Variants in PCDHGA8 observed in about 807,000 individuals in gnomAD.
PCDHGA8 encodes protocadherin gamma-A8.
In PCDHGA8, 45 loss-of-function variants were observed where a neutral mutation model predicts 59.2. That is an observed-to-expected ratio of 0.76 (90% CI 0.60 to 0.98). The LOEUF is 0.98. Ranked by LOEUF, PCDHGA8 falls within the 50% of genes least tolerant of loss-of-function variation. The probability of loss-of-function intolerance (pLI) is 0.00; values close to 1 mark genes in which losing one functional copy is unlikely to be tolerated. For missense variants in PCDHGA8, 1,257 were observed against 1,196.2 expected (o/e 1.05, Z -0.75); for synonymous variants, 531 against 519.0 (o/e 1.02, Z -0.32).
intron 1 of PCDHGA8, chr5:141,413,070 T>C: frequency 8.4e-7 from 1 of 1,195,132 alleles, no homozygotes; most frequent in African/African-American, 1.5e-5. Context: ...GAATTTAAAG[T>C]GCCCAGGCTA....
chr5:141,463,532 T>C (rs1237301892), intron 1 of PCDHGA8, among the ~76,000 whole-genome samples: 2 of 133,692 alleles, frequency 1.5e-5, no homozygotes, highest in Non-Finnish European at 3.1e-5. Flanking sequence ...TACTAGAAAC[T>C]CCGGCTCCCG....
In PCDHGA8 at chr5:141,414,051, A is replaced by G. The variant is rs747091153; in HGVS notation, c.2424+18814A>G. ...CATTCCGAAAATTACCTGACACGCA[A>G]TTGTTGAAGTTCCAACTAAACAAAT... On this transcript the variant is annotated intron_variant, in intron 1 of 3. Coordinates refer to ENST00000398604, the MANE Select transcript of PCDHGA8 (RefSeq NM_032088.2). 5.0e-6 allele frequency: 8 copies of G among 1,610,748 alleles called. No individual in the cohort carries two copies. The Admixed American group carries it at 8.4e-5, about 17-fold the overall frequency.
rs201279747 is a variant in PCDHGA8, at chr5:141,414,931, G to A, written c.2424+19694G>A. On this transcript the variant is annotated intron_variant, in intron 1 of 3. Coordinates refer to ENST00000398604, the MANE Select transcript of PCDHGA8 (RefSeq NM_032088.2). ...AGGCGTGGAGCTGGCGCCCCGCTCC[G>A]CAGAGCCCGGCTACCTGGTGACCAA... 123 of 1,614,120 alleles carry A rather than the reference G, an allele frequency of 7.6e-5. No homozygotes were observed. In the East Asian group the frequency reaches 2.5e-3, roughly 33 times the overall value.
In PCDHGA8 at chr5:141,394,329, T is replaced by C. The variant is rs769172287; in HGVS notation, c.1516T>C (p.Ser506Pro). The C allele has an allele frequency of 3.7e-6, 6 of 1,613,980 alleles. No individual in the cohort carries two copies. The highest frequency in any genetic ancestry group is 5.1e-6 in the Non-Finnish European group (6 of 1,179,922). ...GGGGGCGCCCCTGTCCTCGTATATCTCCATCAACTCTGACACCGGTGTCCT... is the reference window on the plus strand; with the variant it reads ...GGGGGCGCCCCTGTCCTCGTATATCCCCATCAACTCTGACACCGGTGTCCT... ...LQGAPLSSYI[S>P]INSDTGVLYA... The change falls in exon 1 of 4, where the codon TCC (serine) becomes CCC (proline). Residue 506 changes from serine to proline, a missense_variant. Coordinates refer to ENST00000398604, the MANE Select transcript of PCDHGA8 (RefSeq NM_032088.2).
chr5:141,506,207 TTGGGAAGCTGAG>T (rs1487107822), intron 3 of PCDHGA8, among the ~76,000 whole-genome samples: 1 of 152,020 alleles, frequency 6.6e-6, no homozygotes, highest in Non-Finnish European at 1.5e-5. Flanking sequence ...TCCCAGCACT[TTGGGAAGCTGAG>T]GCAGGAGGAT....
At chr5:141,413,189 G>C in intron 1 of PCDHGA8, 7 of 1,606,972 alleles carry the variant, frequency 4.4e-6, no homozygotes, top group Non-Finnish European at 6.0e-6. Context: ...GCCGCTCAAA[G>C]GAATCGCTCA....
chr5:141,483,243 ATATATCATGAGGTTTTTTTGTT>A (rs555469799), intron 1 of PCDHGA8, among the ~76,000 whole-genome samples: 11 of 151,654 alleles, frequency 7.3e-5, no homozygotes, highest in African/African-American at 2.2e-4. Context: ...ACTGATATGC[ATATATCATGAGGTTTTTTTGTT>A]TTAGAAATAT....
In PCDHGA8 at chr5:141,477,247, T is replaced by C; in HGVS notation, c.2425-17560T>C. On this transcript the variant is annotated intron_variant, in intron 1 of 3. Transcript: ENST00000398604. This position sits in a 1 kb window ranked among gnomAD's most constrained non-coding sequence, Gnocchi z 4.9. ...CTGTCATCGCTTTGCTCAGTGTGAC[T>C]GACCTGGATGCTGGCGAGAACGGGC... The C allele has an allele frequency of 6.2e-7, 1 of 1,614,208 alleles. No individual in the cohort carries two copies. Among genetic ancestry groups the C allele is most frequent in the Non-Finnish European group, 8.5e-7 (1 of 1,180,040 alleles).
chr5:141,485,561 G>A lies in PCDHGA8; in HGVS notation c.2425-9246G>A. 1.9e-6 allele frequency: 3 copies of A among 1,613,008 alleles called. No homozygotes were observed. The highest frequency in any genetic ancestry group is 1.1e-5 in the South Asian group (1 of 91,026). ...AGAGATCGTAGATGTGAATGATCACGCCCCCCGTTTTCCGCGGCAGCAGCT... is the reference window on the plus strand; with the variant it reads ...AGAGATCGTAGATGTGAATGATCACACCCCCCGTTTTCCGCGGCAGCAGCT... On this transcript the variant is annotated intron_variant, in intron 1 of 3. Transcript: ENST00000398604. The surrounding 1 kb of genome is among the most constrained non-coding windows in gnomAD (Gnocchi z 5.7).
chr5:141,439,652 T>G (rs1047430832), intron 1 of PCDHGA8, among the ~76,000 whole-genome samples: 1 of 152,208 alleles, frequency 6.6e-6, no homozygotes, highest in African/African-American at 2.4e-5. Context: ...GTGGCTTTTC[T>G]AATTTCATGG....
Position 141,477,865 on chromosome 5 carries a change from T to A in PCDHGA8, c.2425-16942T>A, listed in dbSNP as rs1380570615. On this transcript the variant is annotated intron_variant, in intron 1 of 3. Transcript: ENST00000398604. This position sits in a 1 kb window ranked among gnomAD's most constrained non-coding sequence, Gnocchi z 4.9. ...GCTCGGTGGAGATGCTGCCTCGAGG[T>A]ACCTCAGCTGGCCACCTAGTGTCAC... 6.2e-7 allele frequency: 1 copy of A among 1,612,698 alleles called. No individual in the cohort carries two copies. Among genetic ancestry groups the A allele is most frequent in the Non-Finnish European group, 8.5e-7 (1 of 1,179,562 alleles).
At chr5:141,478,449 C>A in intron 1 of PCDHGA8, 1 of 1,613,540 alleles carries the variant, frequency 6.2e-7, no homozygotes. Context: ...AAACCTGGTG[C>A]AGCCAGTCCA....
At chr5:141,462,474 C>T (rs2099040477) in intron 1 of PCDHGA8, among the ~76,000 whole-genome samples, 1 of 151,994 alleles carries the variant, frequency 6.6e-6, no homozygotes, top group South Asian at 2.1e-4. Flanking sequence ...TATTCTGCTT[C>T]TCGTGGTTGT....
intron 1 of PCDHGA8, among the ~76,000 whole-genome samples, chr5:141,433,397 A>ATCTC (rs1179042498): frequency 6.6e-6 from 1 of 150,410 alleles, no homozygotes; most frequent in African/African-American, 2.5e-5. Flanking sequence ...CTATCTATCT[A>ATCTC]TCTATCTATT....
rs1399367534 is a variant in PCDHGA8 at position 141,487,098 on chromosome 5, A to G, written c.2425-7709A>G. 6.2e-7 allele frequency: 1 copy of G among 1,613,778 alleles called. No homozygotes were observed. The highest frequency in any genetic ancestry group is 8.5e-7 in the Non-Finnish European group (1 of 1,179,788). On this transcript the variant is annotated intron_variant, in intron 1 of 3. Transcript: ENST00000398604. The surrounding 1 kb of genome is among the most constrained non-coding windows in gnomAD (Gnocchi z 5.0). ...ATCCCAGCTGACCTCCCACCACAGA[A>G]GCTGGTCATTGTGGTAAAGGATAGT...
chr5:141,473,245 C>T (rs2099317733), intron 1 of PCDHGA8, among the ~76,000 whole-genome samples: 1 of 152,134 alleles, frequency 6.6e-6, no homozygotes, highest in African/African-American at 2.4e-5. Context: ...CAAGTGAATA[C>T]ATATATAGTC....
chr5:141,436,555 G>A (rs562422182), intron 1 of PCDHGA8, among the ~76,000 whole-genome samples: 1 of 152,252 alleles, frequency 6.6e-6, no homozygotes, highest in South Asian at 2.1e-4. Flanking sequence ...TTGAGCTTCA[G>A]CAAAGTAGGA....
At chr5:141,417,003 A>T (rs1444236854) in intron 1 of PCDHGA8, 1 of 150,264 alleles carries the variant, frequency 6.7e-6, no homozygotes, top group African/African-American at 2.5e-5. Flanking sequence ...CATCTCAAAT[A>T]ATTCTATTAT....
Position 141,477,176 on chromosome 5 carries a change from G to A in PCDHGA8, c.2425-17631G>A. ...GAATGACAACGCCCCGGAGATCACA[G>A]TCACCTCCGTGTACAGCCCAGTACC... On this transcript the variant is annotated intron_variant, in intron 1 of 3. Transcript: ENST00000398604. The surrounding 1 kb of genome is among the most constrained non-coding windows in gnomAD (Gnocchi z 4.9). 2 of 1,614,206 alleles carry A rather than the reference G, an allele frequency of 1.2e-6. No individual in the cohort carries two copies. Among genetic ancestry groups the A allele is most frequent in the Admixed American group, 1.7e-5 (1 of 60,024 alleles).
Sources: allele counts gnomAD v4.1 joint callset (sites outside exome capture counted in the v4.1 genomes callset), GRCh38; gene constraint gnomAD v4.1.1; non-coding constraint Gnocchi (gnomAD v3.1); transcripts MANE v1.5; gene names NCBI Gene and HGNC (gene_info 2026-07-23, HGNC 2026-07-21).